VRK2: variants seen among roughly 807,000 people sequenced by gnomAD.
The protein encoded by VRK2 is serine/threonine-protein kinase VRK2.
Under a neutral mutation model 57.6 loss-of-function variants are expected in VRK2, and 60 were observed. That is an observed-to-expected ratio of 1.04 (90% confidence interval 0.85 to 1.29). The LOEUF (loss-of-function observed/expected upper bound fraction) is 1.29. Ranked by LOEUF, VRK2 falls within the 50% of genes most tolerant of loss-of-function variation. VRK2 has a pLI of 0.00. For synonymous variants in VRK2, 231 were observed against 199.2 expected (o/e 1.16, Z -1.35); for missense variants, 705 against 588.1 (o/e 1.20, Z -2.06).
chr2:58,157,632 C>A (rs554926974), intron 12 of VRK2, among the ~76,000 whole-genome samples: 1 of 152,166 alleles, frequency 6.6e-6, no homozygotes, highest in African/African-American at 2.4e-5. Context: ...CTCAGAAATA[C>A]AGAATCTCAG....
intron 2 of VRK2, among the ~76,000 whole-genome samples, chr2:58,027,753 T>C (rs1395165555): frequency 6.6e-6 from 1 of 152,158 alleles, no homozygotes; most frequent in African/African-American, 2.4e-5. Flanking sequence ...ACCAGCTCCA[T>C]CTATAAGATT....
chr2:57,936,653 A>C (rs1670919640), intron 1 of VRK2, among the ~76,000 whole-genome samples: 1 of 151,802 alleles, frequency 6.6e-6, no homozygotes, highest in Admixed American at 6.6e-5. Flanking sequence ...ATGATAAATA[A>C]ATATTTCCTG....
intron 1 of VRK2, among the ~76,000 whole-genome samples, chr2:58,013,937 T>C (rs745329043): frequency 3.6e-4 from 54 of 151,906 alleles, no homozygotes; most frequent in Admixed American, 8.5e-4. Flanking sequence ...TAATTTCATA[T>C]TGGACTGCAA....
At chr2:58,136,883 CA>C (rs1409079905) in intron 10 of VRK2, among the ~76,000 whole-genome samples, 2 of 98,620 alleles carry the variant, frequency 2.0e-5, no homozygotes, top group Non-Finnish European at 3.7e-5. Flanking sequence ...TATATTATAT[CA>C]TATATATGTG....
At chr2:58,046,523 C>G, upstream of VRK2, 1 of 985,546 alleles carries the variant, frequency 1.0e-6, no homozygotes, top group Non-Finnish European at 1.2e-6. Flanking sequence ...TTATTTCGTA[C>G]CAAACTGGTC....
chr2:58,118,552 C>T (rs752650891), intron 7 of VRK2, among the ~76,000 whole-genome samples: 2 of 152,286 alleles, frequency 1.3e-5, no homozygotes, highest in African/African-American at 2.4e-5. Context: ...GGCCGCTTAC[C>T]GGATTTGAAA....
At chr2:58,074,315 A>G (rs750182117) in intron 2 of VRK2, among the ~76,000 whole-genome samples, 13 of 152,066 alleles carry the variant, frequency 8.5e-5, no homozygotes, top group Middle Eastern at 3.4e-3. Flanking sequence ...TTGCATTATT[A>G]TCTGCTGTAT....
chr2:58,147,805 T>G (rs1173843983), intron 12 of VRK2, among the ~76,000 whole-genome samples: 4 of 151,644 alleles, frequency 2.6e-5, no homozygotes, highest in Admixed American at 6.6e-5. Context: ...TCAGTGTTTT[T>G]TTTTTTTTTT....
At chr2:57,926,134 T>A (rs1414598930) in intron 1 of VRK2, among the ~76,000 whole-genome samples, 1 of 151,966 alleles carries the variant, frequency 6.6e-6, no homozygotes, top group Non-Finnish European at 1.5e-5. Context: ...AAGACTTTTT[T>A]GTGAGCTAAA....
intron 1 of VRK2, among the ~76,000 whole-genome samples, chr2:57,923,550 G>A (rs954208249): frequency 3.0e-4 from 46 of 151,254 alleles, no homozygotes; most frequent in African/African-American, 1.1e-3. Flanking sequence ...TGTCTATTCA[G>A]ATCTTTTGTC....
In VRK2 at chr2:58,159,551, C is replaced by G. The variant is rs776125101; in HGVS notation, c.1385C>G (p.Thr462Arg). Reference sequence around the variant, plus strand: ...ACTTCCACAGTCAGCACGGGGATCACAGACTTAGAAAGTTCAACTGGACTT... The same window carrying G: ...ACTTCCACAGTCAGCACGGGGATCAGAGACTTAGAAAGTTCAACTGGACTT... ...KYTSTVSTGI[T>R]DLESSTGLWP... The change falls in exon 13 of 13, where the codon ACA (threonine) becomes AGA (arginine). Residue 462 changes from threonine (T) to arginine (R), a missense_variant. Thr to Arg is a moderately conservative substitution (Grantham distance 71). Coordinates refer to ENST00000340157, the MANE Select transcript of VRK2 (RefSeq NM_006296.7). 6.2e-7 allele frequency: 1 copy of G among 1,613,818 alleles called. No individual in the cohort carries two copies. Among genetic ancestry groups the G allele is most frequent in the Non-Finnish European group, 8.5e-7 (1 of 1,179,808 alleles).
At chr2:58,054,228 G>A (rs1454741723) in intron 2 of VRK2, among the ~76,000 whole-genome samples, 1 of 151,864 alleles carries the variant, frequency 6.6e-6, no homozygotes, top group Non-Finnish European at 1.5e-5. Flanking sequence ...CCATTTTTAA[G>A]CATATTTTAT....
At chr2:57,981,711 T>A (rs2104051282) in intron 1 of VRK2, among the ~76,000 whole-genome samples, 1 of 152,376 alleles carries the variant, frequency 6.6e-6, no homozygotes, top group Non-Finnish European at 1.5e-5. Context: ...TAATCCCATA[T>A]TTCTTGGAGA....
At position 58,159,407 on chromosome 2, in the gene VRK2, A is replaced by ACAGTTTC; in HGVS notation, c.1243_1249dup (p.Pro417GlnfsTer17). 6.2e-7 allele frequency: 1 copy of ACAGTTTC among 1,613,564 alleles called. No homozygotes were observed. The highest frequency in any genetic ancestry group is 8.5e-7 in the Non-Finnish European group (1 of 1,179,706). On this transcript the variant is annotated frameshift_variant, in exon 13 of 13. Transcript: ENST00000340157. LOFTEE classifies it low-confidence loss of function (END_TRUNC). ...TCTCAAGAACCTTTGAATGAAGTAA[A>ACAGTTTC]CAGTTTCCCACAAAAAATCAGCTAT...
chr2:58,029,312 T>C (rs982167647), intron 2 of VRK2, among the ~76,000 whole-genome samples: 1 of 152,092 alleles, frequency 6.6e-6, no homozygotes, highest in Non-Finnish European at 1.5e-5. Flanking sequence ...TTTTCCTATT[T>C]GGCCTACTTC....
chr2:57,981,909 G>C (rs1052058466), intron 1 of VRK2, among the ~76,000 whole-genome samples: 2 of 152,136 alleles, frequency 1.3e-5, no homozygotes, highest in African/African-American at 2.4e-5. Context: ...GTCTGGTTAA[G>C]AGCAATTGCT....
chr2:58,137,182 C>G (rs200556491), intron 10 of VRK2, among the ~76,000 whole-genome samples: 1 of 35,106 alleles, frequency 2.8e-5, no homozygotes, highest in African/African-American at 1.6e-4. Flanking sequence ...TCATATATAT[C>G]ATATATGATA....
rs1465729302 is a variant in VRK2, at chr2:58,159,381, G to A, written c.1215G>A (p.Glu405=). 6.2e-7 allele frequency: 1 copy of A among 1,610,822 alleles called. No individual in the cohort carries two copies. The highest frequency in any genetic ancestry group is 8.5e-7 in the Non-Finnish European group (1 of 1,178,826). ...CAAGGAGAAGACAGAAATATCAAGA[G>A]TCTCAAGAACCTTTGAATGAAGTAA... is the stretch of plus-strand genomic sequence containing the variant. ...ESTRRRQKYQ[E]SQEPLNEVNS... Residue 405 remains glutamate (E), a synonymous_variant, in exon 13 of 13, where the codon GAG becomes GAA. Transcript: ENST00000340157.
At chr2:58,137,404 C>G (rs1000269426) in intron 10 of VRK2, among the ~76,000 whole-genome samples, 2 of 151,430 alleles carry the variant, frequency 1.3e-5, no homozygotes, top group Non-Finnish European at 2.9e-5. Context: ...ATGTCATACT[C>G]TATTGTTAAA....
Sources: allele counts gnomAD v4.1 joint callset (sites outside exome capture counted in the v4.1 genomes callset), GRCh38; gene constraint gnomAD v4.1.1; transcripts MANE v1.5; gene names NCBI Gene and HGNC (gene_info 2026-07-23, HGNC 2026-07-21).